BPTF: variants seen among roughly 807,000 people sequenced by gnomAD.
The protein encoded by BPTF is bromodomain PHD finger transcription factor, also known as nucleosome-remodeling factor subunit BPTF.
BPTF carries 18 observed loss-of-function variants against 292.5 expected under a neutral mutation model. The ratio of observed to expected loss-of-function variants is 0.06; its 90% CI spans 0.04 to 0.09. The LOEUF is 0.09. Ranked by LOEUF, BPTF falls within the 10% of genes least tolerant of loss-of-function variation. The pLI, the probability that BPTF is intolerant of heterozygous loss-of-function variation, is 1.00. For synonymous variants in BPTF, 1,225 were observed against 1,251.9 expected (o/e 0.98, Z 0.45); for missense variants, 2,726 against 3,498.7 (o/e 0.78, Z 5.57).
At chr17:67,844,752 A>G (rs569450617) in intron 1 of BPTF, among the ~76,000 whole-genome samples, 1 of 149,366 alleles carries the variant, frequency 6.7e-6, no homozygotes, top group Admixed American at 6.7e-5. Context: ...TTTTTTATTT[A>G]TTTTTTTTGA....
chr17:67,900,919 A>C (rs1210750104), intron 7 of BPTF, among the ~76,000 whole-genome samples: 1 of 150,512 alleles, frequency 6.6e-6, no homozygotes, highest in South Asian at 2.1e-4. Flanking sequence ...TGAGCCTAGA[A>C]GTTGGAGGAG....
intron 27 of BPTF, among the ~76,000 whole-genome samples, chr17:67,978,302 A>G (rs570334467): frequency 2.3e-4 from 9 of 39,416 alleles, no homozygotes. Flanking sequence ...ATATATATAT[A>G]TATATATTTT....
intron 7 of BPTF, among the ~76,000 whole-genome samples, chr17:67,896,168 T>G (rs2061433335): frequency 6.6e-6 from 1 of 152,166 alleles, no homozygotes; most frequent in African/African-American, 2.4e-5. Flanking sequence ...TTCACCGTGT[T>G]AGCCAGGATG....
chr17:67,846,070 G>A (rs7223930), intron 1 of BPTF, among the ~76,000 whole-genome samples: 46,412 of 152,014 alleles, frequency 0.31, 8,452 homozygotes, highest in East Asian at 0.66. Context: ...TGAATATAGG[G>A]TAACATTCAC....
chr17:67,845,108 C>T (rs779293346), intron 1 of BPTF, among the ~76,000 whole-genome samples: 3 of 152,036 alleles, frequency 2.0e-5, no homozygotes, highest in Admixed American at 6.6e-5. Flanking sequence ...TATAAGTGCA[C>T]GTCTCCTCCT....
At chr17:67,870,185 T>G (rs2059635984) in intron 3 of BPTF, among the ~76,000 whole-genome samples, 1 of 152,050 alleles carries the variant, frequency 6.6e-6, no homozygotes, top group Non-Finnish European at 1.5e-5. Context: ...TACATGGAAA[T>G]AAGGTGAGTT....
At chr17:67,917,376 G>T (rs1201384619) in intron 11 of BPTF, among the ~76,000 whole-genome samples, 7 of 151,958 alleles carry the variant, frequency 4.6e-5, no homozygotes, top group Non-Finnish European at 8.8e-5. Flanking sequence ...CCCCACCTTG[G>T]CCTCCCAAAG....
intron 11 of BPTF, among the ~76,000 whole-genome samples, chr17:67,915,937 C>T (rs1478158172): frequency 6.6e-6 from 1 of 152,110 alleles, no homozygotes; most frequent in Non-Finnish European, 1.5e-5. Context: ...GGTGTTATTT[C>T]CATTTTAAAA....
intron 11 of BPTF, among the ~76,000 whole-genome samples, chr17:67,914,804 A>G (rs1248905364): frequency 2.0e-5 from 3 of 152,150 alleles, no homozygotes; most frequent in Admixed American, 1.3e-4. Context: ...CTTAGTATGC[A>G]CTATGGTACA....
intron 1 of BPTF, among the ~76,000 whole-genome samples, chr17:67,851,271 G>GC (rs988338401): frequency 7.1e-6 from 1 of 141,036 alleles, no homozygotes; most frequent in African/African-American, 2.9e-5. Context: ...GCGATTTTCT[G>GC]CTTTTTTTTT....
At position 67,923,471 on chromosome 17, in the gene BPTF, C is replaced by CTTTTTTTTTTTT. The variant is rs58462646; in HGVS notation, c.5708+499_5708+510dup. Among the ~76,000 whole-genome samples, 6 of 67,496 alleles carry CTTTTTTTTTTTT rather than the reference C, an allele frequency of 8.9e-5. 1 individual carries two copies. Among genetic ancestry groups the CTTTTTTTTTTTT allele is most frequent in the African/African-American group, 2.9e-4 (5 of 17,008 alleles). 44.3% of individuals were successfully genotyped at this position (67,496 alleles called of 152,430 possible). On this transcript the variant is annotated intron_variant, in intron 14 of 27. Transcript: ENST00000306378. ...GTTTAGTAAGGTCCTCTCTCTCTGT[C>CTTTTTTTTTTTT]TTTTTTTTTTTTTTTTTTTTTTTTT...
chr17:67,976,022 C>T, intron 27 of BPTF, 64 bp downstream of exon 27: 1 of 1,325,620 alleles, frequency 7.5e-7, no homozygotes, highest in South Asian at 1.5e-5. Context: ...ACTATTCTGT[C>T]TAACGATTCA....
In BPTF at chr17:67,854,301, G is replaced by A. The variant is rs145024702; in HGVS notation, c.975G>A (p.Thr325=). Residue 325 remains threonine, a synonymous_variant, in exon 2 of 28, where the codon ACG becomes ACA. Transcript: ENST00000306378. The surrounding 1 kb of genome is among the most constrained non-coding windows in gnomAD (Gnocchi z 5.6). ...NSTLYFIDGM[T]WPEVLRVYCE... is the part of the protein sequence containing the mutation. ...CACTGTATTTCATAGATGGGATGAC[G>A]TGGCCAGAGGTGCTGCGGGTGTACT... 1.6e-5 allele frequency: 26 copies of A among 1,614,066 alleles called. No individual in the cohort carries two copies. Among genetic ancestry groups the A allele is most frequent in the South Asian group, 3.3e-5 (3 of 91,090 alleles).
intron 2 of BPTF, among the ~76,000 whole-genome samples, chr17:67,860,271 A>C (rs1187112282): frequency 6.6e-6 from 1 of 152,186 alleles, no homozygotes; most frequent in Non-Finnish European, 1.5e-5. Flanking sequence ...AATGAGATTA[A>C]AATAATTTCA....
chr17:67,957,999 A>G (rs535619456), intron 23 of BPTF, among the ~76,000 whole-genome samples: 121 of 152,290 alleles, frequency 7.9e-4, no homozygotes, highest in African/African-American at 2.8e-3. Context: ...AGATAGCAGA[A>G]GAGGTGTGCT....
intron 1 of BPTF, among the ~76,000 whole-genome samples, chr17:67,834,021 G>A (rs969158983): frequency 1.4e-4 from 22 of 151,964 alleles, no homozygotes; most frequent in African/African-American, 4.1e-4. Context: ...TCTTCATCTC[G>A]AATGGATCTA....
intron 27 of BPTF, among the ~76,000 whole-genome samples, chr17:67,977,246 G>T (rs1447750095): frequency 2.6e-5 from 4 of 152,280 alleles, no homozygotes; most frequent in Non-Finnish European, 5.9e-5. Context: ...CAGGCATGGT[G>T]GCTCACGCCT....
intron 4 of BPTF, among the ~76,000 whole-genome samples, chr17:67,879,040 AGG>A (rs745936705): frequency 0.3 from 45,760 of 151,084 alleles, 8,242 homozygotes; most frequent in East Asian, 0.66. Context: ...CTTTAGTATC[AGG>A]AATATTTTGT....
At chr17:67,862,680 A>G (rs1481025118) in intron 2 of BPTF, among the ~76,000 whole-genome samples, 5 of 152,170 alleles carry the variant, frequency 3.3e-5, no homozygotes, top group Non-Finnish European at 7.3e-5. Context: ...TATACCAAAA[A>G]AAAGTACTAT....
Sources: allele counts gnomAD v4.1 joint callset (sites outside exome capture counted in the v4.1 genomes callset), GRCh38; gene constraint gnomAD v4.1.1; non-coding constraint Gnocchi (gnomAD v3.1); transcripts MANE v1.5; gene names NCBI Gene and HGNC (gene_info 2026-07-23, HGNC 2026-07-21).